The following FANCC variants were observed in gnomAD, a reference collection of about 807,000 sequenced individuals.
The protein encoded by FANCC is Fanconi anemia group C protein.
Under a neutral mutation model 71.3 loss-of-function variants are expected in FANCC, and 55 were observed. The observed-to-expected ratio is 0.77, with a 90% CI of 0.62 to 0.97. FANCC has a LOEUF of 0.97. Ranked by LOEUF, FANCC falls within the 50% of genes least tolerant of loss-of-function variation. The probability of loss-of-function intolerance (pLI) is 0.00; values close to 1 mark genes in which losing one functional copy is unlikely to be tolerated. For synonymous variants in FANCC, 275 were observed against 244.9 expected (o/e 1.12, Z -1.15); for missense variants, 678 against 670.9 (o/e 1.01, Z -0.12).
At chr9:95,105,698 A>C (rs761402858) in intron 14 of FANCC, among the ~76,000 whole-genome samples, 1 of 151,698 alleles carries the variant, frequency 6.6e-6, no homozygotes, top group Non-Finnish European at 1.5e-5. Flanking sequence ...CCTGGACTTG[A>C]CTCTTCCAGG....
At chr9:95,107,669 T>C (rs897024484) in intron 13 of FANCC, among the ~76,000 whole-genome samples, 2 of 152,190 alleles carry the variant, frequency 1.3e-5, no homozygotes, top group African/African-American at 2.4e-5. Context: ...GCCGAGCCAG[T>C]GTTCCCATAC....
At chr9:95,295,212 T>C (rs1348887287) in intron 1 of FANCC, among the ~76,000 whole-genome samples, 1 of 152,068 alleles carries the variant, frequency 6.6e-6, no homozygotes, top group Admixed American at 6.5e-5. Context: ...AAACTAAAAA[T>C]GTCTTCACAG....
intron 6 of FANCC, among the ~76,000 whole-genome samples, chr9:95,164,009 T>G (rs1830915988): frequency 2.0e-5 from 3 of 152,222 alleles, no homozygotes; most frequent in African/African-American, 7.2e-5. Context: ...TTCCTAAATA[T>G]TTTATTCTTT....
intron 7 of FANCC, among the ~76,000 whole-genome samples, chr9:95,147,803 AAT>A (rs1829762620): frequency 6.6e-6 from 1 of 152,224 alleles, no homozygotes; most frequent in Non-Finnish European, 1.5e-5. Flanking sequence ...GTGATAAATT[AAT>A]ATGTCACCAA....
intron 10 of FANCC, chr9:95,123,717 A>C (rs1373028685): frequency 1.4e-6 from 1 of 689,918 alleles, no homozygotes; most frequent in Non-Finnish European, 2.7e-6. Context: ...GTGCTTCCCA[A>C]GCTGTATTTG....
chr9:95,226,018 A>C (rs998936143), intron 4 of FANCC, among the ~76,000 whole-genome samples: 6 of 152,250 alleles, frequency 3.9e-5, no homozygotes, highest in Non-Finnish European at 7.3e-5. Context: ...AATGGGAATA[A>C]CAGTAATTTC....
Position 95,133,608 on chromosome 9 carries a change from G to A in FANCC, c.843+1738C>T, listed in dbSNP as rs1446306649. 3.9e-5 allele frequency among the ~76,000 whole-genome samples: 6 copies of A among 152,210 alleles called. No homozygotes were observed. In the East Asian group the frequency reaches 1.2e-3, roughly 29 times the overall value. Reference sequence around the variant, plus strand: ...GAGGGCCACAGGCAAAAAGGACATGGAGAAGGTTCAGGGAAGAATCCAAGG... The same window carrying A: ...GAGGGCCACAGGCAAAAAGGACATGAAGAAGGTTCAGGGAAGAATCCAAGG... On this transcript the variant is annotated intron_variant, in intron 8 of 14. Coordinates refer to ENST00000289081, the MANE Select transcript of FANCC (RefSeq NM_000136.3).
chr9:95,152,265 A>G (rs1431656391), intron 6 of FANCC, among the ~76,000 whole-genome samples: 2 of 152,246 alleles, frequency 1.3e-5, no homozygotes. Context: ...AAAGATGACA[A>G]TGTCTCATCA....
chr9:95,219,265 G>C (rs1398140641), intron 4 of FANCC, among the ~76,000 whole-genome samples: 1 of 152,162 alleles, frequency 6.6e-6, no homozygotes, highest in Non-Finnish European at 1.5e-5. Context: ...GAAGCAGCAG[G>C]AGTAAGGCTC....
intron 10 of FANCC, among the ~76,000 whole-genome samples, chr9:95,124,278 TGGACCA>T (rs1564664516): frequency 6.6e-6 from 1 of 152,112 alleles, no homozygotes; most frequent in East Asian, 1.9e-4. Flanking sequence ...TGAGATGCAC[TGGACCA>T]GCACCACTCT....
chr9:95,198,238 T>C (rs1297125130), intron 4 of FANCC, among the ~76,000 whole-genome samples: 2 of 152,212 alleles, frequency 1.3e-5, no homozygotes, highest in East Asian at 1.9e-4. Flanking sequence ...ACAGTGACTC[T>C]TGATGGGGCC....
intron 1 of FANCC, among the ~76,000 whole-genome samples, chr9:95,310,880 G>T (rs1353825292): frequency 3.9e-5 from 6 of 152,122 alleles, no homozygotes; most frequent in Admixed American, 1.3e-4. Flanking sequence ...TACACATAAG[G>T]CAATAATATG....
chr9:95,106,975 A>C, intron 14 of FANCC, 91 bp downstream of exon 14: 1 of 1,258,482 alleles, frequency 7.9e-7, no homozygotes, highest in Non-Finnish European at 1.1e-6. Flanking sequence ...TGGTACACAC[A>C]CTGTGCAGAG....
chr9:95,181,823 A>C (rs1826390252), intron 4 of FANCC, among the ~76,000 whole-genome samples: 1 of 152,266 alleles, frequency 6.6e-6, no homozygotes, highest in Non-Finnish European at 1.5e-5. Context: ...ATGTGTGAAA[A>C]GCCATTGAAT....
chr9:95,197,396 G>A (rs547523403), intron 4 of FANCC, among the ~76,000 whole-genome samples: 2 of 152,190 alleles, frequency 1.3e-5, no homozygotes, highest in East Asian at 1.9e-4. Flanking sequence ...TAAATTAGCC[G>A]GGTATGGTGG....
intron 1 of FANCC, among the ~76,000 whole-genome samples, chr9:95,306,925 G>A (rs1486913518): frequency 6.6e-6 from 1 of 152,076 alleles, no homozygotes; most frequent in Non-Finnish European, 1.5e-5. Flanking sequence ...CCAGGCTGGA[G>A]TGCAGTGGTA....
intron 7 of FANCC, among the ~76,000 whole-genome samples, chr9:95,136,491 TAA>T (rs562705124): frequency 6.9e-6 from 1 of 144,320 alleles, no homozygotes. Flanking sequence ...AAGATTCCTT[TAA>T]AAAAAAAAAA....
chr9:95,145,814 T>C (rs1388087455), intron 7 of FANCC, among the ~76,000 whole-genome samples: 1 of 151,986 alleles, frequency 6.6e-6, no homozygotes, highest in African/African-American at 2.4e-5. Context: ...TTTATCACAC[T>C]CAAGAGGGCG....
chr9:95,291,967 A>AAAATATATATAT (rs1441757988), intron 1 of FANCC, among the ~76,000 whole-genome samples: 3 of 50,430 alleles, frequency 5.9e-5, no homozygotes, highest in African/African-American at 1.6e-4. Flanking sequence ...AAAAAAAAAA[A>AAAATATATATAT]ATATATATAT....
Sources: allele counts gnomAD v4.1 joint callset (sites outside exome capture counted in the v4.1 genomes callset), GRCh38; gene constraint gnomAD v4.1.1; transcripts MANE v1.5; gene names NCBI Gene and HGNC (gene_info 2026-07-23, HGNC 2026-07-21).